Variants in CDH18 observed in about 807,000 individuals in gnomAD.
CDH18 encodes the protein cadherin 18, also known as cadherin-18.
A neutral mutation model predicts 67.9 loss-of-function variants in CDH18; 31 were observed. The observed-to-expected ratio is 0.46, with a 90% confidence interval of 0.34 to 0.62. The LOEUF (loss-of-function observed/expected upper bound fraction) is 0.62. Ranked by LOEUF, CDH18 falls within the 20% of genes least tolerant of loss-of-function variation. The pLI is 0.01. For missense variants in CDH18, 890 were observed against 975.5 expected (o/e 0.91, Z 1.17); for synonymous variants, 362 against 347.2 (o/e 1.04, Z -0.48).
intron 5 of CDH18, among the ~76,000 whole-genome samples, chr5:19,715,515 TA>T (rs1765238125): frequency 6.6e-6 from 1 of 152,144 alleles, no homozygotes; most frequent in African/African-American, 2.4e-5. Flanking sequence ...ATTCCGAAGA[TA>T]AAAGGTTGGT....
intron 5 of CDH18, among the ~76,000 whole-genome samples, chr5:19,701,673 C>A (rs1012658054): frequency 6.6e-6 from 1 of 151,944 alleles, no homozygotes; most frequent in Non-Finnish European, 1.5e-5. Context: ...AAGATAGTAC[C>A]GCTTAGAGAT....
intron 1 of CDH18, among the ~76,000 whole-genome samples, chr5:20,261,382 G>A (rs1475038040): frequency 6.6e-6 from 1 of 152,102 alleles, no homozygotes; most frequent in Non-Finnish European, 1.5e-5. Flanking sequence ...ATTTGTATGA[G>A]TAATTATTTA....
At chr5:19,910,486 G>A (rs1791010266) in intron 2 of CDH18, among the ~76,000 whole-genome samples, 1 of 152,100 alleles carries the variant, frequency 6.6e-6, no homozygotes, top group Non-Finnish European at 1.5e-5. Flanking sequence ...ACCCTTATAT[G>A]TAAGTTCACT....
chr5:20,183,577 T>C (rs965014713), intron 2 of CDH18, among the ~76,000 whole-genome samples: 8 of 152,124 alleles, frequency 5.3e-5, no homozygotes, highest in Non-Finnish European at 8.8e-5. Context: ...AATCTGTAGC[T>C]TTTGATGACA....
chr5:20,253,399 T>C (rs1744005320), intron 2 of CDH18, among the ~76,000 whole-genome samples: 1 of 152,136 alleles, frequency 6.6e-6, no homozygotes, highest in Non-Finnish European at 1.5e-5. Flanking sequence ...GCAATGGAAC[T>C]TAACTAGTTT....
intron 2 of CDH18, among the ~76,000 whole-genome samples, chr5:20,108,246 A>ATT (rs1246019594): frequency 1.3e-5 from 2 of 149,110 alleles, no homozygotes; most frequent in African/African-American, 5.2e-5. Flanking sequence ...CGCCCGGCTA[A>ATT]TTTTATTTTA....
intron 2 of CDH18, among the ~76,000 whole-genome samples, chr5:20,021,516 C>T (rs1408449973): frequency 6.6e-6 from 1 of 152,156 alleles, no homozygotes; most frequent in Non-Finnish European, 1.5e-5. Context: ...TTCCCCCTTG[C>T]TGTTCTCATG....
chr5:19,516,786 T>G, intron 10 of CDH18, among the ~76,000 whole-genome samples: 1 of 150,528 alleles, frequency 6.6e-6, no homozygotes. Context: ...TTGTTGATCT[T>G]TTCAAAAAAA....
At chr5:20,381,614 T>C (rs532554955) in intron 1 of CDH18, among the ~76,000 whole-genome samples, 4 of 152,248 alleles carry the variant, frequency 2.6e-5, no homozygotes, top group Non-Finnish European at 4.4e-5. Context: ...TCCTTTTCAA[T>C]GATGTGTGCT....
At chr5:19,505,182 T>G (rs972317216) in intron 10 of CDH18, among the ~76,000 whole-genome samples, 2 of 152,172 alleles carry the variant, frequency 1.3e-5, no homozygotes, top group Non-Finnish European at 1.5e-5. Flanking sequence ...CCTGAGACTT[T>G]GCTGAAGTTG....
chr5:19,524,461 CAT>C (rs942627429), intron 9 of CDH18, among the ~76,000 whole-genome samples: 11 of 151,496 alleles, frequency 7.3e-5, no homozygotes, highest in African/African-American at 1.2e-4. Flanking sequence ...TCAAAACTAA[CAT>C]AATAATTAGT....
Position 20,048,310 on chromosome 5 carries a change from T to C in CDH18, c.-517-56296A>G, listed in dbSNP as rs554070264. On this transcript the variant is annotated intron_variant, in intron 2 of 14. Coordinates refer to the CDH18 transcript ENST00000507958. Reference sequence around the variant, plus strand: ...TCAACGTGCTTACACTAATTTAGTGTATCATAAAATGAATCTCAGTACAGC... The same window carrying C: ...TCAACGTGCTTACACTAATTTAGTGCATCATAAAATGAATCTCAGTACAGC... Among the ~76,000 whole-genome samples, 7 of 151,814 alleles carry C rather than the reference T, an allele frequency of 4.6e-5. No individual in the cohort carries two copies. In the South Asian group the frequency reaches 1.5e-3, roughly 31 times the overall value.
At position 19,851,232 on chromosome 5, in the gene CDH18, T is replaced by A. The variant is rs371656457; in HGVS notation, c.-256-11990A>T. On this transcript the variant is annotated intron_variant, in intron 2 of 12. Coordinates refer to ENST00000382275, the MANE Select transcript of CDH18 (RefSeq NM_004934.5). ...AGGCTTTCCAGCTGATATAACTTTG[T>A]CGGGAATATTTAGAAGGTTTTTATA... 1.6e-4 allele frequency among the ~76,000 whole-genome samples: 25 copies of A among 151,826 alleles called. No individual in the cohort carries two copies. The East Asian group carries it at 2.1e-3, about 13-fold the overall frequency.
chr5:20,028,391 A>G (rs1739101242), intron 2 of CDH18, among the ~76,000 whole-genome samples: 1 of 152,212 alleles, frequency 6.6e-6, no homozygotes, highest in South Asian at 2.1e-4. Flanking sequence ...TAATCTGTGT[A>G]ATATAACACA....
intron 1 of CDH18, among the ~76,000 whole-genome samples, chr5:20,363,842 C>A (rs1020465381): frequency 6.6e-6 from 1 of 151,920 alleles, no homozygotes; most frequent in Non-Finnish European, 1.5e-5. Flanking sequence ...TTATTGCTTT[C>A]TTCCAGCTAC....
At chr5:19,545,579 G>A (rs2127095822) in intron 8 of CDH18, among the ~76,000 whole-genome samples, 1 of 152,296 alleles carries the variant, frequency 6.6e-6, no homozygotes, top group South Asian at 2.1e-4. Flanking sequence ...ACAACATACT[G>A]TTATATATGA....
intron 1 of CDH18, among the ~76,000 whole-genome samples, chr5:20,358,994 G>T (rs913675665): frequency 2.7e-5 from 4 of 147,696 alleles, no homozygotes; most frequent in Admixed American, 2.1e-4. Context: ...GTGCAATGGC[G>T]TGATCTCAGC....
At chr5:19,649,589 T>A (rs1352661480) in intron 5 of CDH18, among the ~76,000 whole-genome samples, 1 of 152,052 alleles carries the variant, frequency 6.6e-6, no homozygotes, top group East Asian at 1.9e-4. Flanking sequence ...CCTTCACAAC[T>A]ACTAATACCT....
intron 5 of CDH18, among the ~76,000 whole-genome samples, chr5:19,687,390 A>G (rs988994725): frequency 1.3e-5 from 2 of 152,054 alleles, no homozygotes; most frequent in African/African-American, 2.4e-5. Context: ...CCCCTTGCAC[A>G]CTTGTCTTAC....
Sources: allele counts gnomAD v4.1 joint callset (sites outside exome capture counted in the v4.1 genomes callset), GRCh38; gene constraint gnomAD v4.1.1; transcripts MANE v1.5; gene names NCBI Gene and HGNC (gene_info 2026-07-23, HGNC 2026-07-21).